Variants in FRMD4B observed in about 807,000 individuals in gnomAD.
The protein encoded by FRMD4B is FERM domain-containing protein 4B.
Under a neutral mutation model 141.5 loss-of-function variants are expected in FRMD4B, and 74 were observed. The observed-to-expected ratio is 0.52, with a 90% CI of 0.43 to 0.63. The LOEUF (loss-of-function observed/expected upper bound fraction) is 0.63. FRMD4B is among the 30% of genes least tolerant of loss of function. The probability of loss-of-function intolerance (pLI) is 0.00; values close to 1 mark genes in which losing one functional copy is unlikely to be tolerated. For missense variants in FRMD4B, 1,366 were observed against 1,253.4 expected (o/e 1.09, Z -1.36); for synonymous variants, 506 against 467.9 (o/e 1.08, Z -1.05).
chr3:69,325,759 C>T (rs763759177), intron 1 of FRMD4B, among the ~76,000 whole-genome samples: 16 of 152,146 alleles, frequency 1.1e-4, no homozygotes, highest in Admixed American at 7.9e-4. Context: ...ATCAGTAATA[C>T]ACCATTTATT....
intron 7 of FRMD4B, among the ~76,000 whole-genome samples, chr3:69,240,716 G>T (rs529062100): frequency 1.3e-5 from 2 of 152,090 alleles, no homozygotes; most frequent in Non-Finnish European, 2.9e-5. Flanking sequence ...TGGATTAACC[G>T]CATTAGCCAT....
At position 69,195,741 on chromosome 3, in the gene FRMD4B, A is replaced by T. The variant is rs992016537; in HGVS notation, c.1235-377T>A. ...CAAGCAAGCAAGGAAAAGAAAAATC[A>T]GTGTGAAGGAAGGTCATGCTTCAGA... On this transcript the variant is annotated intron_variant, in intron 14 of 22. Transcript: ENST00000398540. Among the ~76,000 whole-genome samples the T allele has an allele frequency of 2.3e-4, 35 of 152,166 alleles. 1 individual carries two copies. The highest frequency in any genetic ancestry group is 2.9e-5 in the Non-Finnish European group (2 of 68,028).
intron 1 of FRMD4B, among the ~76,000 whole-genome samples, chr3:69,487,395 A>G (rs1029252219): frequency 2.0e-5 from 3 of 152,230 alleles, no homozygotes; most frequent in Non-Finnish European, 2.9e-5. Flanking sequence ...AAGAAATTTG[A>G]ATTTTATTTC....
At chr3:69,383,666 C>A (rs1023860373) in intron 1 of FRMD4B, among the ~76,000 whole-genome samples, 1 of 152,162 alleles carries the variant, frequency 6.6e-6, no homozygotes, top group Non-Finnish European at 1.5e-5. Context: ...CTCAAGTGAT[C>A]CTCCTGCCTC....
At chr3:69,189,315 A>T (rs970819605) in intron 18 of FRMD4B, among the ~76,000 whole-genome samples, 3 of 151,940 alleles carry the variant, frequency 2.0e-5, no homozygotes, top group African/African-American at 7.2e-5. Context: ...TGCCTCTATG[A>T]AACAACAAAA....
chr3:69,519,997 C>CATATATATATATATATATAT (rs71618288), intron 1 of FRMD4B, among the ~76,000 whole-genome samples: 5 of 88,364 alleles, frequency 5.7e-5, no homozygotes, highest in East Asian at 3.9e-4. Context: ...AGTAGTATTC[C>CATATATATATATATATATAT]ATATATATAT....
chr3:69,183,466 A>T (rs140271300), intron 19 of FRMD4B, among the ~76,000 whole-genome samples: 2,952 of 148,662 alleles, frequency 0.02, 120 homozygotes, highest in African/African-American at 0.069. Flanking sequence ...CAACACAATT[A>T]GAAGTTAATT....
intron 1 of FRMD4B, among the ~76,000 whole-genome samples, chr3:69,319,308 C>T (rs1701915251): frequency 6.6e-6 from 1 of 152,122 alleles, no homozygotes; most frequent in African/African-American, 2.4e-5. Flanking sequence ...TAATCTGAAA[C>T]TCAGAATAAA....
intron 8 of FRMD4B, 23 bp downstream of exon 8, chr3:69,224,584 C>G: frequency 2.6e-6 from 3 of 1,146,042 alleles, no homozygotes; most frequent in African/African-American, 1.5e-5. Context: ...AAATGAGACA[C>G]CTGTTATGTG....
intron 7 of FRMD4B, among the ~76,000 whole-genome samples, chr3:69,242,893 C>T (rs1391584421): frequency 1.3e-5 from 2 of 149,328 alleles, no homozygotes; most frequent in Admixed American, 6.8e-5. Flanking sequence ...ACTCGGGAGG[C>T]TGAGGCAGGA....
chr3:69,355,459 A>G (rs556730233), intron 1 of FRMD4B, among the ~76,000 whole-genome samples: 147 of 152,318 alleles, frequency 9.7e-4, no homozygotes, highest in Non-Finnish European at 1.2e-3. Flanking sequence ...AACTCAATAC[A>G]TGGTACCTTT....
In FRMD4B at chr3:69,310,490, G is replaced by A. The variant is rs898553257; in HGVS notation, c.323+773C>T. 158 of 455,584 alleles carry A rather than the reference G, an allele frequency of 3.5e-4. 2 individuals carry two copies. Among genetic ancestry groups the A allele is most frequent in the Admixed American group, 2.4e-3 (102 of 42,416 alleles). 28.2% of individuals were successfully genotyped at this position (455,584 alleles called of 1,614,324 possible). A position where few individuals can be genotyped will look rare whatever the true frequency, so the allele number is the denominator to read the frequency against. Reference sequence around the variant, plus strand: ...GGAAGGATTCCTCTGATAATGTATCGGGCTGCATAAAATGTAGGCAAATTG... The same window carrying A: ...GGAAGGATTCCTCTGATAATGTATCAGGCTGCATAAAATGTAGGCAAATTG... On this transcript the variant is annotated intron_variant, in intron 3 of 22. Transcript: ENST00000398540.
At chr3:69,304,477 C>T (rs1295814033) in intron 3 of FRMD4B, among the ~76,000 whole-genome samples, 9 of 115,242 alleles carry the variant, frequency 7.8e-5, no homozygotes, top group Admixed American at 5.5e-4. Context: ...GAGCAAGATT[C>T]TATCTCAAAA....
chr3:69,377,817 T>TTC (rs1272102311), intron 1 of FRMD4B, among the ~76,000 whole-genome samples: 2 of 68,200 alleles, frequency 2.9e-5, no homozygotes, highest in African/African-American at 1.5e-4. Flanking sequence ...CTTCTTCTTC[T>TTC]TTTTTTTTTT....
chr3:69,536,950 G>A (rs1701096855), intron 1 of FRMD4B, among the ~76,000 whole-genome samples: 1 of 151,992 alleles, frequency 6.6e-6, no homozygotes, highest in Non-Finnish European at 1.5e-5. Flanking sequence ...GTCTTCCTAG[G>A]TTGCCTAGTC....
At position 69,461,492 on chromosome 3, in the gene FRMD4B, C is replaced by T. The variant is rs887933388; in HGVS notation, c.-128-28731G>A. Among the ~76,000 whole-genome samples, 31 of 151,854 alleles carry T rather than the reference C, an allele frequency of 2.0e-4. No homozygotes were observed. In the Middle Eastern group the frequency reaches 0.01, roughly 51 times the overall value. Reference sequence around the variant, plus strand: ...AATAAAAATTATCCAGGCATGGTGGCGCACGCCTATAGTCCCACCCACTCG... The same window carrying T: ...AATAAAAATTATCCAGGCATGGTGGTGCACGCCTATAGTCCCACCCACTCG... On this transcript the variant is annotated intron_variant, in intron 1 of 5. Transcript: ENST00000459638.
intron 1 of FRMD4B, among the ~76,000 whole-genome samples, chr3:69,521,138 C>T (rs150715453): frequency 4.1e-4 from 63 of 152,236 alleles, no homozygotes; most frequent in African/African-American, 1.5e-3. Flanking sequence ...AGGAGGGACC[C>T]CAGATGGTCC....
chr3:69,482,593 T>C (rs1183119500), intron 1 of FRMD4B, among the ~76,000 whole-genome samples: 2 of 152,252 alleles, frequency 1.3e-5, no homozygotes, highest in Admixed American at 6.5e-5. Flanking sequence ...GCATGTTTCA[T>C]GTGAACACTT....
chr3:69,289,602 C>G (rs1168899471), intron 4 of FRMD4B, among the ~76,000 whole-genome samples: 2 of 142,288 alleles, frequency 1.4e-5, no homozygotes, highest in African/African-American at 5.3e-5. Context: ...TCCAGACCAT[C>G]CTGGCCACCA....
Sources: allele counts gnomAD v4.1 joint callset (sites outside exome capture counted in the v4.1 genomes callset), GRCh38; gene constraint gnomAD v4.1.1; transcripts MANE v1.5; gene names NCBI Gene and HGNC (gene_info 2026-07-23, HGNC 2026-07-21).